FAF1: variants seen among roughly 807,000 people sequenced by gnomAD.
The protein encoded by FAF1 is FAS-associated factor 1.
A neutral mutation model predicts 92.5 loss-of-function variants in FAF1; 25 were observed. The observed-to-expected ratio is 0.27, with a 90% CI of 0.20 to 0.38. FAF1 has a LOEUF of 0.38. Among genes scored for constraint, FAF1 ranks in the 10% least tolerant of loss-of-function variants. The probability of loss-of-function intolerance (pLI) is 1.00; values close to 1 mark genes in which losing one functional copy is unlikely to be tolerated. For missense variants in FAF1, 636 were observed against 793.3 expected, an observed-to-expected ratio of 0.80 and a Z score of 2.38; for synonymous variants, 234 against 273.2, an observed-to-expected ratio of 0.86 and a Z score of 1.42.
At chr1:50,906,358 G>A (rs541759604) in intron 1 of FAF1, among the ~76,000 whole-genome samples, 36 of 152,288 alleles carry the variant, frequency 2.4e-4, no homozygotes, top group African/African-American at 7.9e-4. Context: ...TCTTGGCAAT[G>A]CAGGCTCTTT....
At chr1:50,740,302 T>G (rs998007474) in intron 5 of FAF1, among the ~76,000 whole-genome samples, 4 of 152,074 alleles carry the variant, frequency 2.6e-5, no homozygotes, top group Admixed American at 6.6e-5. Flanking sequence ...GAATGTGACA[T>G]TTGAGCAAAA....
chr1:50,800,980 G>A (rs1030744366), intron 3 of FAF1, among the ~76,000 whole-genome samples: 2 of 152,188 alleles, frequency 1.3e-5, no homozygotes, highest in African/African-American at 2.4e-5. Context: ...TTCAGAACCA[G>A]AGTCTCCAAT....
Position 50,819,730 on chromosome 1 carries a change from C to CGTAT in FAF1, c.115-18054_115-18053insATAC, listed in dbSNP as rs1440286626. Among the ~76,000 whole-genome samples the CGTAT allele has an allele frequency of 4.2e-4, 15 of 35,882 alleles. 1 individual carries two copies. The highest frequency in any genetic ancestry group is 1.3e-3 in the African/African-American group (11 of 8,420). 23.5% of individuals were successfully genotyped at this position (35,882 alleles called of 152,430 possible). ...ATATATATATACGTATATATATATA[C>CGTAT]ATATATATACATATATATATACATA... is the stretch of plus-strand genomic sequence containing the variant. On this transcript the variant is annotated intron_variant, in intron 2 of 18. Coordinates refer to ENST00000396153, the MANE Select transcript of FAF1 (RefSeq NM_007051.3).
chr1:50,515,502 G>A (rs1293415872), intron 15 of FAF1, among the ~76,000 whole-genome samples: 1 of 152,080 alleles, frequency 6.6e-6, no homozygotes, highest in African/African-American at 2.4e-5. Flanking sequence ...GAAGCCAAAG[G>A]TATGCTCAAA....
At chr1:50,443,076 C>T (rs1400893011) in intron 18 of FAF1, among the ~76,000 whole-genome samples, 1 of 152,228 alleles carries the variant, frequency 6.6e-6, no homozygotes, top group African/African-American at 2.4e-5. Flanking sequence ...TACTCTGCCT[C>T]TGCTTCTCAT....
intron 17 of FAF1, among the ~76,000 whole-genome samples, chr1:50,489,298 G>A (rs1268385697): frequency 6.6e-6 from 1 of 152,238 alleles, no homozygotes; most frequent in Non-Finnish European, 1.5e-5. Flanking sequence ...TGAAAGTGGT[G>A]TCATACTTTG....
In FAF1 at chr1:50,539,584, T is replaced by A. The variant is rs367877788; in HGVS notation, c.1405+8A>T. ...AAGGCTTTACTCTCCTTGTGACATG[T>A]ACTTTACCTTGTATCACATTCAACA... On this transcript the variant is annotated splice_region_variant and intron_variant, in intron 14 of 18. Coordinates refer to ENST00000396153, the MANE Select transcript of FAF1 (RefSeq NM_007051.3). The A allele has an allele frequency of 6.2e-7, 1 of 1,609,688 alleles. No homozygotes were observed. The highest frequency in any genetic ancestry group is 2.2e-5 in the East Asian group (1 of 44,790).
At chr1:50,771,994 G>C (rs1660790840) in intron 4 of FAF1, among the ~76,000 whole-genome samples, 1 of 152,054 alleles carries the variant, frequency 6.6e-6, no homozygotes, top group Non-Finnish European at 1.5e-5. Context: ...TAGAGCCCTT[G>C]GGAAAAAGCA....
At position 50,608,937 on chromosome 1, in the gene FAF1, A is replaced by G. The variant is rs112109071; in HGVS notation, c.745-12721T>C. Among the ~76,000 whole-genome samples, 226 of 152,230 alleles carry G rather than the reference A, an allele frequency of 1.5e-3. 2 individuals carry two copies. The highest frequency in any genetic ancestry group is 5.2e-3 in the African/African-American group (216 of 41,506). On this transcript the variant is annotated intron_variant, in intron 8 of 18. Coordinates refer to ENST00000396153, the MANE Select transcript of FAF1 (RefSeq NM_007051.3). ...GTTACAAGATTGTTGTGAAGATTCA[A>G]GAGTATGTGTATCTGAATCTGTCTA...
intron 4 of FAF1, among the ~76,000 whole-genome samples, chr1:50,746,678 A>C (rs1251509307): frequency 6.6e-6 from 1 of 152,180 alleles, no homozygotes; most frequent in African/African-American, 2.4e-5. Context: ...GTAGAAAAGA[A>C]AAGCCAATTT....
At chr1:50,470,319 T>C (rs973132150) in intron 18 of FAF1, among the ~76,000 whole-genome samples, 5 of 152,230 alleles carry the variant, frequency 3.3e-5, no homozygotes, top group Admixed American at 2.0e-4. Flanking sequence ...CAAAAAGCAA[T>C]GGTCATAAGA....
chr1:50,593,923 T>C lies in FAF1; in HGVS notation c.840+2198A>G, dbSNP rs192038910. On this transcript the variant is annotated intron_variant, in intron 9 of 18. Coordinates refer to ENST00000396153, the MANE Select transcript of FAF1 (RefSeq NM_007051.3). ...AATATATAGGCAGTTTAAATAAAAA[T>C]GAGCAACCACATTTTGTATAGAATG... 3.3e-3 allele frequency among the ~76,000 whole-genome samples: 506 copies of C among 152,262 alleles called. 1 individual carries two copies. The highest frequency in any genetic ancestry group is 6.0e-3 in the Non-Finnish European group (410 of 68,020).
chr1:50,766,875 A>G (rs965679052), intron 4 of FAF1, among the ~76,000 whole-genome samples: 2 of 151,974 alleles, frequency 1.3e-5, no homozygotes, highest in Non-Finnish European at 2.9e-5. Context: ...ATGAGAAAGA[A>G]CCAGTGTAAG....
intron 8 of FAF1, among the ~76,000 whole-genome samples, chr1:50,637,410 G>A (rs568445067): frequency 2.5e-4 from 38 of 151,030 alleles, no homozygotes; most frequent in African/African-American, 7.5e-4. Context: ...CCAAGATCGC[G>A]CCATTGCACT....
chr1:50,572,064 C>T (rs1474507300), intron 12 of FAF1, among the ~76,000 whole-genome samples: 1 of 152,000 alleles, frequency 6.6e-6, no homozygotes, highest in African/African-American at 2.4e-5. Context: ...TCTCTCCTTC[C>T]CATTTCTGTT....
intron 13 of FAF1, among the ~76,000 whole-genome samples, chr1:50,547,891 CTAAG>C (rs1235535656): frequency 6.6e-6 from 1 of 152,120 alleles, no homozygotes; most frequent in African/African-American, 2.4e-5. Flanking sequence ...TTTCTTACCA[CTAAG>C]TAAGAACATA....
chr1:50,735,752 A>G (rs57793888), intron 6 of FAF1, among the ~76,000 whole-genome samples: 13,142 of 152,160 alleles, frequency 0.086, 591 homozygotes, highest in African/African-American at 0.098. Context: ...GTCTTGCTCT[A>G]CTGCCCAGGC....
Position 50,872,096 on chromosome 1 carries a change from C to T in FAF1, c.46-14099G>A, listed in dbSNP as rs1644533349. Reference sequence around the variant, plus strand: ...AAAAAAAAAAAAGAAAAAGAAAATACATTTCATAAAGCTATAATAGCTGCT... The same window carrying T: ...AAAAAAAAAAAAGAAAAAGAAAATATATTTCATAAAGCTATAATAGCTGCT... On this transcript the variant is annotated intron_variant, in intron 1 of 18. Transcript: ENST00000396153. Among the ~76,000 whole-genome samples the T allele has an allele frequency of 2.7e-5, 4 of 149,566 alleles. No individual in the cohort carries two copies. In the South Asian group the frequency reaches 8.4e-4, roughly 32 times the overall value.
intron 2 of FAF1, among the ~76,000 whole-genome samples, chr1:50,821,982 G>A (rs912980186): frequency 2.0e-5 from 3 of 151,964 alleles, no homozygotes; most frequent in Non-Finnish European, 2.9e-5. Flanking sequence ...CAAAGCAGAA[G>A]AAAAGTGGGT....
Sources: gnomAD v4.1 joint callset for allele counts (sites outside exome capture counted in the v4.1 genomes callset) on GRCh38, gnomAD v4.1.1 for gene constraint, MANE v1.5 for transcripts, NCBI Gene and HGNC (gene_info 2026-07-23, HGNC 2026-07-21) for gene names.